KCNH8: variants seen among roughly 807,000 people sequenced by gnomAD.
KCNH8 encodes potassium voltage-gated channel subfamily H member 8.
Under a neutral mutation model 103.6 loss-of-function variants are expected in KCNH8, and 70 were observed. That is an observed-to-expected ratio of 0.68 (90% CI 0.56 to 0.82). The LOEUF is 0.82. KCNH8 is among the 40% of genes least tolerant of loss of function. KCNH8 has a pLI of 0.00. For missense variants in KCNH8, 1,217 were observed against 1,329.9 expected (o/e 0.92, Z 1.32); for synonymous variants, 498 against 489.4 (o/e 1.02, Z -0.23).
chr3:19,342,766 T>C (rs986622103), intron 4 of KCNH8, 52 bp downstream of exon 4: 16 of 1,520,670 alleles, frequency 1.1e-5, no homozygotes, highest in Non-Finnish European at 1.4e-5. Context: ...CTGGTGGCAA[T>C]GTTTGACTCG....
chr3:19,348,100 A>G, intron 5 of KCNH8, 135 bp downstream of exon 5: 1 of 993,824 alleles, frequency 1.0e-6, no homozygotes, highest in Non-Finnish European at 1.5e-6. Context: ...ATTTTGGAGA[A>G]GCACATACTG....
chr3:19,335,041 C>G (rs2065563353), intron 3 of KCNH8, among the ~76,000 whole-genome samples: 1 of 151,790 alleles, frequency 6.6e-6, no homozygotes, highest in African/African-American at 2.4e-5. Context: ...TACCTTCATT[C>G]TCTCTCTCTG....
At chr3:19,290,277 A>G (rs2064899449) in intron 3 of KCNH8, among the ~76,000 whole-genome samples, 1 of 152,124 alleles carries the variant, frequency 6.6e-6, no homozygotes, top group Non-Finnish European at 1.5e-5. Flanking sequence ...AACTTCCAAC[A>G]CTATGTTGAA....
chr3:19,304,938 A>G (rs2065110816), intron 3 of KCNH8, among the ~76,000 whole-genome samples: 1 of 152,112 alleles, frequency 6.6e-6, no homozygotes, highest in Non-Finnish European at 1.5e-5. Flanking sequence ...AAGCAACTAA[A>G]TTAAAAAGAG....
In KCNH8 at chr3:19,253,734, G is replaced by T. The variant is rs776320230; in HGVS notation, c.157G>T (p.Ala53Ser). 3.1e-6 allele frequency: 5 copies of T among 1,613,858 alleles called. No individual in the cohort carries two copies. In the South Asian group the frequency reaches 4.4e-5, roughly 14 times the overall value. The change falls in exon 2 of 16, where the codon GCT becomes TCT. Residue 53 changes from alanine (A) to serine (S), a missense_variant. Physicochemically the swap from Ala to Ser is moderately conservative, Grantham distance 99. Transcript: ENST00000328405. ...VYCSDGFCEL[A>S]GFARTEVMQK... Reference sequence around the variant, plus strand: ...CTGTTCCGATGGCTTCTGCGAGCTTGCTGGATTTGCCCGAACTGAAGTCAT... The same window carrying T: ...CTGTTCCGATGGCTTCTGCGAGCTTTCTGGATTTGCCCGAACTGAAGTCAT...
At chr3:19,318,723 C>A (rs1015149611) in intron 3 of KCNH8, among the ~76,000 whole-genome samples, 1 of 150,682 alleles carries the variant, frequency 6.6e-6, no homozygotes, top group African/African-American at 2.4e-5. Flanking sequence ...TTTAAGGAGT[C>A]TCCACACTGT....
intron 3 of KCNH8, among the ~76,000 whole-genome samples, chr3:19,307,144 T>C (rs2065140556): frequency 1.3e-5 from 2 of 151,882 alleles, no homozygotes; most frequent in African/African-American, 2.4e-5. Flanking sequence ...AGGATGCTAC[T>C]CATATAACAG....
intron 7 of KCNH8, among the ~76,000 whole-genome samples, chr3:19,413,796 T>A (rs574010758): frequency 2.6e-5 from 4 of 152,126 alleles, no homozygotes; most frequent in Admixed American, 2.6e-4. Flanking sequence ...CCCTCCTCTG[T>A]TTTAAAAACA....
rs1559328001 is a variant in KCNH8 at position 19,438,269 on chromosome 3, C to T, written c.1283C>T (p.Thr428Met). ...RSAYIAALYF[T>M]LSSLTSVGFG... ...GCCTATATTGCCGCTCTGTACTTCA[C>T]GCTGAGCAGCCTCACCAGCGTGGGT... Residue 428 changes from threonine to methionine, a missense_variant, in exon 8 of 16, where the codon ACG becomes ATG. Thr to Met is a moderately conservative substitution (Grantham distance 81). This residue lies in a region of KCNH8 where 415 missense variants were observed against 577.4 expected (regional missense o/e 0.72). Transcript: ENST00000328405. 2.5e-6 allele frequency: 4 copies of T among 1,613,956 alleles called. No individual in the cohort carries two copies. The highest frequency in any genetic ancestry group is 2.2e-5 in the East Asian group (1 of 44,890).
intron 13 of KCNH8, 76 bp from the exon 14 acceptor site, chr3:19,515,246 A>G (rs2068853961): frequency 1.3e-6 from 1 of 770,898 alleles, no homozygotes; most frequent in African/African-American, 1.8e-5. Context: ...TTAACATAAT[A>G]TCTTTTAACT....
chr3:19,451,473 GA>G lies in KCNH8; in HGVS notation c.1825+75del, dbSNP rs536362823. On this transcript the variant is annotated intron_variant, in intron 10 of 15. Transcript: ENST00000328405. ...CATAAATTAAGAAGATGAAATGGGG[GA>G]AAAAACTGCTATTGAGAGTAGGAAA... 28 of 1,398,762 alleles carry G rather than the reference GA, an allele frequency of 2.0e-5. No individual in the cohort carries two copies. In the East Asian group the frequency reaches 4.4e-4, roughly 22 times the overall value. The allele number at this position is 1,398,762 out of a possible 1,614,324, so 86.6% of individuals were successfully genotyped here. A position where few individuals can be genotyped will look rare whatever the true frequency, so the allele number is the denominator to read the frequency against.
rs200737098 is a variant in KCNH8, at chr3:19,278,451, C to CAGGA, written c.311-2737_311-2734dup. Among the ~76,000 whole-genome samples the CAGGA allele has an allele frequency of 4.1e-3, 461 of 112,470 alleles. 16 individuals are homozygous for CAGGA. The East Asian group carries it at 0.081, about 20-fold the overall frequency. 73.8% of individuals were successfully genotyped at this position (112,470 alleles called of 152,430 possible). ...GGAGAGATGGAGGGAGAAAGGCAGGCAGGAAGGAAGGAAAGGGAAGGGAAG... is the reference window on the plus strand; with the variant it reads ...GGAGAGATGGAGGGAGAAAGGCAGGCAGGAAGGAAGGAAGGAAAGGGAAGGGAAG... On this transcript the variant is annotated intron_variant, in intron 2 of 15. Coordinates refer to ENST00000328405, the MANE Select transcript of KCNH8 (RefSeq NM_144633.3).
intron 11 of KCNH8, among the ~76,000 whole-genome samples, chr3:19,504,114 A>T (rs1280564337): frequency 2.0e-5 from 3 of 152,056 alleles, no homozygotes; most frequent in African/African-American, 4.8e-5. Flanking sequence ...TTCAATAAAT[A>T]GTTCTGGGAT....
At chr3:19,511,349 A>G (rs2068780411) in intron 12 of KCNH8, among the ~76,000 whole-genome samples, 1 of 152,220 alleles carries the variant, frequency 6.6e-6, no homozygotes, top group South Asian at 2.1e-4. Context: ...AAATGGAAGT[A>G]TGAAATTTCC....
At chr3:19,386,067 C>CT (rs955285179) in intron 5 of KCNH8, among the ~76,000 whole-genome samples, 2 of 152,000 alleles carry the variant, frequency 1.3e-5, no homozygotes, top group East Asian at 1.9e-4. Context: ...AATTTAACCT[C>CT]TTTTTTTGTG....
chr3:19,433,279 GA>G (rs1330350023), intron 7 of KCNH8, among the ~76,000 whole-genome samples: 2 of 152,134 alleles, frequency 1.3e-5, no homozygotes, highest in Admixed American at 1.3e-4. Context: ...AATGGAAATA[GA>G]GCACAAGTGA....
At chr3:19,517,941 C>A in intron 14 of KCNH8, 57 bp from the exon 15 acceptor site, 3 of 1,378,550 alleles carry the variant, frequency 2.2e-6, no homozygotes, top group South Asian at 1.2e-5. Flanking sequence ...TTGCCTCGAT[C>A]CTCAAATATA....
In KCNH8 at chr3:19,212,462, A is replaced by G. The variant is rs565850306; in HGVS notation, c.77-41192A>G. Among the ~76,000 whole-genome samples, 123 of 152,220 alleles carry G rather than the reference A, an allele frequency of 8.1e-4. 1 individual carries two copies. Among genetic ancestry groups the G allele is most frequent in the African/African-American group, 2.8e-3 (116 of 41,532 alleles). ...CTTTGGCCTTCACACAGCCAGCACT[A>G]TGTATTTCTGGGTAGTAATTTATTC... On this transcript the variant is annotated intron_variant, in intron 1 of 15. Coordinates refer to ENST00000328405, the MANE Select transcript of KCNH8 (RefSeq NM_144633.3).
At chr3:19,411,918 G>A (rs1298545653) in intron 7 of KCNH8, among the ~76,000 whole-genome samples, 1 of 151,820 alleles carries the variant, frequency 6.6e-6, no homozygotes, top group Non-Finnish European at 1.5e-5. Context: ...TCATGGATTA[G>A]AAGAATCAAT....
Sources: allele counts gnomAD v4.1 joint callset (sites outside exome capture counted in the v4.1 genomes callset), GRCh38; gene constraint gnomAD v4.1.1; regional missense constraint gnomAD v4.1.1; transcripts MANE v1.5; gene names NCBI Gene and HGNC (gene_info 2026-07-23, HGNC 2026-07-21).